Variants in ZNF561 observed in about 807,000 individuals in gnomAD.
ZNF561 encodes zinc finger protein 561.
Under a neutral mutation model 16.7 loss-of-function variants are expected in ZNF561, and 16 were observed. The observed-to-expected ratio is 0.96, with a 90% CI of 0.65 to 1.45. ZNF561 has a LOEUF of 1.45. ZNF561 is among the 40% of genes most tolerant of loss of function. The probability of loss-of-function intolerance (pLI) is 0.00; values close to 1 mark genes in which losing one functional copy is unlikely to be tolerated. For missense variants in ZNF561, 580 were observed against 578.0 expected (o/e 1.00, Z -0.04); for synonymous variants, 190 against 192.1 (o/e 0.99, Z 0.09).
intron 4 of ZNF561, among the ~76,000 whole-genome samples, chr19:9,615,811 C>A (rs2074544445): frequency 6.6e-6 from 1 of 150,436 alleles, no homozygotes; most frequent in Non-Finnish European, 1.5e-5. Flanking sequence ...ATACCAGCAA[C>A]TTGGGAAGCT....
chr19:9,619,266 T>A, intron 2 of ZNF561, 166 bp downstream of exon 2: 1 of 404,980 alleles, frequency 2.5e-6, no homozygotes. Context: ...CAAAAATAAA[T>A]AAATAAATAA....
chr19:9,609,120 G>A lies in ZNF561; in HGVS notation c.*1080C>T, dbSNP rs555385226. ...TGAGTGATTTGTGCCTTAAGGACATGTTCCTGTTGCAGATAACAAGCCAGA... is the reference window on the plus strand; with the variant it reads ...TGAGTGATTTGTGCCTTAAGGACATATTCCTGTTGCAGATAACAAGCCAGA... On this transcript the variant is annotated 3_prime_UTR_variant, in exon 6 of 6. Coordinates refer to ENST00000302851, the MANE Select transcript of ZNF561 (RefSeq NM_152289.3). The A allele has an allele frequency of 1.3e-5, 2 of 152,312 alleles. No homozygotes were observed. The highest frequency in any genetic ancestry group is 6.5e-5 in the Admixed American group (1 of 15,302). 9.4% of individuals were successfully genotyped at this position (152,312 alleles called of 1,614,324 possible).
chr19:9,614,658 G>A (rs1471208204), intron 4 of ZNF561, among the ~76,000 whole-genome samples: 1 of 152,122 alleles, frequency 6.6e-6, no homozygotes, highest in Non-Finnish European at 1.5e-5. Context: ...TTCGGGAAAG[G>A]AAAGTAGGAA....
At chr19:9,612,635 A>G (rs540606526) in intron 5 of ZNF561, among the ~76,000 whole-genome samples, 1 of 152,034 alleles carries the variant, frequency 6.6e-6, no homozygotes, top group Admixed American at 6.5e-5. Flanking sequence ...ATGAGCTACC[A>G]TGTCAGCCTA....
chr19:9,613,963 T>C, intron 5 of ZNF561, 58 bp downstream of exon 5: 1 of 1,595,308 alleles, frequency 6.3e-7, no homozygotes, highest in Non-Finnish European at 8.6e-7. Flanking sequence ...TTTTCTAGAA[T>C]GGAATTCTCT....
chr19:9,614,875 G>A (rs188710586), intron 4 of ZNF561, among the ~76,000 whole-genome samples: 3 of 144,618 alleles, frequency 2.1e-5, no homozygotes, highest in Non-Finnish European at 1.5e-5. Context: ...GTGTCACTCT[G>A]TCACCCACAC....
intron 1 of ZNF561, among the ~76,000 whole-genome samples, chr19:9,619,816 C>T (rs960511433): frequency 6.6e-6 from 1 of 152,090 alleles, no homozygotes; most frequent in Non-Finnish European, 1.5e-5. Context: ...CATAGCCATC[C>T]TTCCCAGTAG....
chr19:9,616,897 A>G (rs2074564400), intron 4 of ZNF561, 148 bp downstream of exon 4: 2 of 1,154,670 alleles, frequency 1.7e-6, no homozygotes, highest in South Asian at 4.0e-5. Context: ...CCCGGCCTAG[A>G]ATTTTTTTTT....
chr19:9,617,940 T>C (rs1283096295), intron 3 of ZNF561, 151 bp downstream of exon 3: 2 of 716,346 alleles, frequency 2.8e-6, no homozygotes, highest in Non-Finnish European at 4.8e-6. Context: ...GGAGACTTCA[T>C]TCCCTGGGGA....
chr19:9,612,404 G>C (rs910363739), intron 5 of ZNF561, among the ~76,000 whole-genome samples: 2 of 152,048 alleles, frequency 1.3e-5, no homozygotes, highest in Admixed American at 6.6e-5. Flanking sequence ...ATTTTTTGTA[G>C]AGATGGGGTT....
chr19:9,614,534 G>A (rs1018071785), intron 4 of ZNF561, among the ~76,000 whole-genome samples: 2 of 152,182 alleles, frequency 1.3e-5, no homozygotes, highest in African/African-American at 4.8e-5. Flanking sequence ...GAACCTGGGA[G>A]GCAGAAGTTG....
At chr19:9,611,792 T>C (rs1198176096) in intron 5 of ZNF561, among the ~76,000 whole-genome samples, 2 of 152,132 alleles carry the variant, frequency 1.3e-5, no homozygotes, top group Non-Finnish European at 2.9e-5. Flanking sequence ...GCCTGGACTA[T>C]AGTGCACTGG....
At position 9,613,876 on chromosome 19, in the gene ZNF561, G is replaced by T. The variant is rs117331584; in HGVS notation, c.324+145C>A. 751 of 902,236 alleles carry T rather than the reference G, an allele frequency of 8.3e-4. 19 individuals carry two copies. The East Asian group carries it at 0.019, about 23-fold the overall frequency. The allele number at this position is 902,236 out of a possible 1,614,324, so 55.9% of individuals were successfully genotyped here. On this transcript the variant is annotated intron_variant, in intron 5 of 5. Transcript: ENST00000302851. ...TGCCTAGGCTGGTCTTGAACTCTTG[G>T]GCTCAAATGAGACCCCCACTTCAGC...
chr19:9,620,563 AAAC>A (rs1469524430), intron 1 of ZNF561, among the ~76,000 whole-genome samples: 1 of 152,092 alleles, frequency 6.6e-6, no homozygotes, highest in Admixed American at 6.6e-5. Context: ...ACCTACACTC[AAAC>A]AACCCTAGTA....
Position 9,617,143 on chromosome 19 carries a change from A to G in ZNF561, c.143T>C (p.Val48Ala). The stretch of plus-strand genomic sequence containing the variant: ...AGCCCACTCCTCTGGGGTGAAGTCC[A>G]CAGCCACATCATCAAACGTCACTGA... ...QDSVTFDDVA[V>A]DFTPEEWALL... Residue 48 changes from valine (V) to alanine (A), a missense_variant, in exon 4 of 6, where the codon GTG (valine) becomes GCG (alanine). Val to Ala is a moderately conservative substitution (Grantham distance 64). Transcript: ENST00000302851. The G allele has an allele frequency of 6.2e-7, 1 of 1,612,884 alleles. No homozygotes were observed.
intron 4 of ZNF561, among the ~76,000 whole-genome samples, chr19:9,615,056 T>C (rs1441786540): frequency 6.6e-6 from 1 of 151,868 alleles, no homozygotes; most frequent in Non-Finnish European, 1.5e-5. Flanking sequence ...GACACACTGG[T>C]CTCAAACTCC....
Position 9,617,029 on chromosome 19 carries a change from G to A in ZNF561, c.241+16C>T, listed in dbSNP as rs1312838336. 9 of 1,601,142 alleles carry A rather than the reference G, an allele frequency of 5.6e-6. No individual in the cohort carries two copies. Among genetic ancestry groups the A allele is most frequent in the Non-Finnish European group, 7.7e-6 (9 of 1,172,088 alleles). ...GGTGCAGGCCACCATGCCAAGCATA[G>A]TGATGTTACTCTTACCCACAGAGGC... On this transcript the variant is annotated intron_variant, in intron 4 of 5. Transcript: ENST00000302851.
At chr19:9,614,167 A>AT (rs1297231629) in intron 4 of ZNF561, 64 bp from the exon 5 acceptor site, 3 of 1,572,636 alleles carry the variant, frequency 1.9e-6, no homozygotes, top group African/African-American at 2.7e-5. Context: ...AAAATGAGTC[A>AT]TTTTTACTTG....
intron 4 of ZNF561, among the ~76,000 whole-genome samples, chr19:9,614,766 A>G (rs193062962): frequency 3.0e-4 from 46 of 152,312 alleles, no homozygotes; most frequent in Non-Finnish European, 2.9e-5. Context: ...AAGATGGAAA[A>G]TAAGAGTCAA....
Sources: gnomAD v4.1 joint callset for allele counts (sites outside exome capture counted in the v4.1 genomes callset) on GRCh38, gnomAD v4.1.1 for gene constraint, MANE v1.5 for transcripts, NCBI Gene and HGNC (gene_info 2026-07-23, HGNC 2026-07-21) for gene names.